SAMD3: variants seen among roughly 807,000 people sequenced by gnomAD.
SAMD3 encodes sterile alpha motif domain containing 3.
Under a neutral mutation model 58.5 loss-of-function variants are expected in SAMD3, and 63 were observed. That is an observed-to-expected ratio of 1.08 (90% CI 0.88 to 1.33). The LOEUF is 1.33. Ranked by LOEUF, SAMD3 falls within the 40% of genes most tolerant of loss-of-function variation. The pLI is 0.00. For missense variants in SAMD3, 604 were observed against 608.4 expected, an observed-to-expected ratio of 0.99 and a Z score of 0.08; for synonymous variants, 220 against 210.3, an observed-to-expected ratio of 1.05 and a Z score of -0.40.
intron 1 of SAMD3, among the ~76,000 whole-genome samples, chr6:130,337,031 C>G (rs905365556): frequency 6.6e-6 from 1 of 152,246 alleles, no homozygotes; most frequent in African/African-American, 2.4e-5. Flanking sequence ...TTGGTTTCCA[C>G]CATCATCAGC....
intron 1 of SAMD3, among the ~76,000 whole-genome samples, chr6:130,321,578 T>C (rs6569675): frequency 0.45 from 67,933 of 152,068 alleles, 17,542 homozygotes; most frequent in African/African-American, 0.72. Flanking sequence ...ATATCCCCAC[T>C]GACACATACA....
At chr6:130,181,279 A>G (rs1178319057) in intron 7 of SAMD3, among the ~76,000 whole-genome samples, 1 of 152,136 alleles carries the variant, frequency 6.6e-6, no homozygotes, top group African/African-American at 2.4e-5. Context: ...TTAAAAATAA[A>G]CTTAGCCCTA....
At chr6:130,166,089 C>T (rs539580021) in intron 8 of SAMD3, among the ~76,000 whole-genome samples, 6 of 152,274 alleles carry the variant, frequency 3.9e-5, no homozygotes, top group Non-Finnish European at 7.3e-5. Context: ...CTGTGCTGGC[C>T]GATGCTCAGA....
chr6:130,362,618 G>T (rs1778019954), intron 1 of SAMD3, among the ~76,000 whole-genome samples: 1 of 152,136 alleles, frequency 6.6e-6, no homozygotes, highest in Non-Finnish European at 1.5e-5. Flanking sequence ...TAAATGGTAC[G>T]CTGCCAGTGC....
intron 2 of SAMD3, among the ~76,000 whole-genome samples, chr6:130,304,778 CT>C (rs1775859695): frequency 6.6e-6 from 1 of 151,966 alleles, no homozygotes. Flanking sequence ...TATATTGAGT[CT>C]TTCTAAAAAG....
At chr6:130,308,495 C>CTAGAA (rs112708408) in intron 2 of SAMD3, among the ~76,000 whole-genome samples, 12 of 151,082 alleles carry the variant, frequency 7.9e-5, no homozygotes, top group African/African-American at 2.7e-4. Flanking sequence ...GTAGGCCAAC[C>CTAGAA]TAGAAGGTTG....
intron 5 of SAMD3, among the ~76,000 whole-genome samples, chr6:130,203,895 A>C (rs1253938143): frequency 6.6e-6 from 1 of 152,228 alleles, no homozygotes; most frequent in Non-Finnish European, 1.5e-5. Flanking sequence ...TTGGATGCAC[A>C]CACAACTGTA....
chr6:130,348,593 C>A (rs1285910019), intron 1 of SAMD3, among the ~76,000 whole-genome samples: 1 of 152,018 alleles, frequency 6.6e-6, no homozygotes, highest in Non-Finnish European at 1.5e-5. Context: ...CCTTAGAGAC[C>A]TACAAAGAGA....
intron 2 of SAMD3, among the ~76,000 whole-genome samples, chr6:130,249,137 G>T (rs1478592506): frequency 6.6e-6 from 1 of 152,092 alleles, no homozygotes; most frequent in Non-Finnish European, 1.5e-5. Flanking sequence ...GGCCATGTTG[G>T]GTATCAGAAA....
intron 7 of SAMD3, among the ~76,000 whole-genome samples, chr6:130,180,310 T>C (rs1390307416): frequency 1.2e-5 from 1 of 81,962 alleles, no homozygotes; most frequent in African/African-American, 3.9e-5. Flanking sequence ...TTTTTTTTTT[T>C]TTTTTGTAGG....
chr6:130,246,192 T>C (rs563679747), intron 2 of SAMD3, among the ~76,000 whole-genome samples: 11 of 152,262 alleles, frequency 7.2e-5, no homozygotes, highest in South Asian at 6.2e-4. Flanking sequence ...ATACTAAAAA[T>C]CAAGACATAC....
At chr6:130,145,005 A>T (rs1472631632) in intron 11 of SAMD3, among the ~76,000 whole-genome samples, 1 of 152,210 alleles carries the variant, frequency 6.6e-6, no homozygotes, top group African/African-American at 2.4e-5. Flanking sequence ...CATGCCTGTA[A>T]TCCCAGCACT....
intron 1 of SAMD3, among the ~76,000 whole-genome samples, chr6:130,334,815 T>A (rs1017094935): frequency 3.9e-5 from 6 of 152,188 alleles, no homozygotes; most frequent in African/African-American, 1.2e-4. Flanking sequence ...CTGGTATAGT[T>A]CTTTTTATGC....
intron 7 of SAMD3, among the ~76,000 whole-genome samples, chr6:130,178,692 G>T (rs578009320): frequency 6.6e-6 from 1 of 152,308 alleles, no homozygotes; most frequent in South Asian, 2.1e-4. Context: ...CTTAATTTTA[G>T]TTTCTTCAAC....
chr6:130,316,262 G>T (rs1001466757), intron 1 of SAMD3, among the ~76,000 whole-genome samples: 31 of 131,528 alleles, frequency 2.4e-4, no homozygotes, highest in Admixed American at 1.1e-3. Flanking sequence ...CTGCATTCCA[G>T]CCTAGGCAAC....
At chr6:130,146,864 T>C (rs922389019) in intron 9 of SAMD3, among the ~76,000 whole-genome samples, 7 of 151,938 alleles carry the variant, frequency 4.6e-5, no homozygotes, top group Non-Finnish European at 7.4e-5. Context: ...TCTCAGCTAC[T>C]CAGGAGGCTG....
At chr6:130,300,579 G>A (rs1247950183) in intron 2 of SAMD3, among the ~76,000 whole-genome samples, 1 of 152,114 alleles carries the variant, frequency 6.6e-6, no homozygotes, top group Non-Finnish European at 1.5e-5. Flanking sequence ...AAACATGGAT[G>A]CCCACTTGTA....
intron 2 of SAMD3, among the ~76,000 whole-genome samples, chr6:130,265,770 G>GA (rs34778014): frequency 0.31 from 47,256 of 151,372 alleles, 7,724 homozygotes; most frequent in East Asian, 0.47. Flanking sequence ...AGCCAAAACA[G>GA]AAAAAAAAGA....
At chr6:130,278,221 A>G (rs753936861) in intron 2 of SAMD3, among the ~76,000 whole-genome samples, 2 of 151,762 alleles carry the variant, frequency 1.3e-5, no homozygotes, top group African/African-American at 2.4e-5. Context: ...GACAGCTTCG[A>G]CTCCCTATGA....
Sources: gnomAD v4.1 joint callset for allele counts (sites outside exome capture counted in the v4.1 genomes callset) on GRCh38, gnomAD v4.1.1 for gene constraint, MANE v1.5 for transcripts, NCBI Gene and HGNC (gene_info 2026-07-23, HGNC 2026-07-21) for gene names.